Variants in MSRA observed in about 807,000 individuals in gnomAD.
MSRA encodes methionine sulfoxide reductase A.
Under a neutral mutation model 31.3 loss-of-function variants are expected in MSRA, and 54 were observed. That is an observed-to-expected ratio of 1.73 (90% CI 1.39 to 2.17). The LOEUF (loss-of-function observed/expected upper bound fraction) is 2.17, where lower values mean the gene tolerates loss of function less well. MSRA is among the 30% of genes most tolerant of loss of function. The pLI, the probability that MSRA is intolerant of heterozygous loss-of-function variation, is 0.00. For synonymous variants in MSRA, 169 were observed against 116.5 expected (o/e 1.45, Z -2.90); for missense variants, 507 against 300.9 (o/e 1.69, Z -5.07).
At chr8:10,212,963 G>A (rs1763001724) in intron 2 of MSRA, among the ~76,000 whole-genome samples, 1 of 152,090 alleles carries the variant, frequency 6.6e-6, no homozygotes, top group South Asian at 2.1e-4. Flanking sequence ...TTTGATATAG[G>A]CATGCAGTAT....
At chr8:10,140,011 C>G (rs1802575761) in intron 1 of MSRA, among the ~76,000 whole-genome samples, 1 of 152,200 alleles carries the variant, frequency 6.6e-6, no homozygotes, top group Admixed American at 6.5e-5. Context: ...ATACATTTAT[C>G]TGATGCAAGT....
intron 3 of MSRA, among the ~76,000 whole-genome samples, chr8:10,299,733 A>T (rs1800741359): frequency 6.6e-6 from 1 of 152,216 alleles, no homozygotes; most frequent in Non-Finnish European, 1.5e-5. Context: ...AAGGATTAAA[A>T]ATGTTGTAAT....
At chr8:10,348,725 C>T (rs1803945695) in intron 5 of MSRA, among the ~76,000 whole-genome samples, 1 of 152,084 alleles carries the variant, frequency 6.6e-6, no homozygotes, top group Admixed American at 6.6e-5. Flanking sequence ...AAATATTTAT[C>T]TCCTTACTCA....
intron 1 of MSRA, among the ~76,000 whole-genome samples, chr8:10,060,711 A>C (rs1292617823): frequency 6.6e-6 from 1 of 152,002 alleles, no homozygotes; most frequent in Non-Finnish European, 1.5e-5. Flanking sequence ...TGTAATCAAA[A>C]TCTACATTTT....
At chr8:10,175,018 T>C (rs1805921807) in intron 1 of MSRA, among the ~76,000 whole-genome samples, 1 of 152,176 alleles carries the variant, frequency 6.6e-6, no homozygotes, top group Admixed American at 6.5e-5. Flanking sequence ...TGACGTTCTC[T>C]GACTCATCCG....
intron 3 of MSRA, among the ~76,000 whole-genome samples, chr8:10,284,344 A>C (rs1799819541): frequency 6.6e-6 from 1 of 151,762 alleles, no homozygotes; most frequent in African/African-American, 2.4e-5. Flanking sequence ...GCCCGCCACC[A>C]CACCCGGCTA....
chr8:10,110,696 T>A (rs549288883), intron 1 of MSRA, among the ~76,000 whole-genome samples: 1 of 152,360 alleles, frequency 6.6e-6, no homozygotes, highest in South Asian at 2.1e-4. Context: ...GATCGCGCTT[T>A]CTCCCAGGCT....
chr8:10,393,354 C>T (rs951201028), intron 5 of MSRA, among the ~76,000 whole-genome samples: 1 of 152,136 alleles, frequency 6.6e-6, no homozygotes, highest in Non-Finnish European at 1.5e-5. Context: ...GACTCAAATC[C>T]AAAGTTATTA....
intron 2 of MSRA, among the ~76,000 whole-genome samples, chr8:10,239,381 C>T (rs964155975): frequency 3.9e-5 from 6 of 152,150 alleles, no homozygotes; most frequent in African/African-American, 1.2e-4. Context: ...AGGATGGCCT[C>T]GATGTCTTGA....
chr8:10,187,491 G>T (rs996055882), intron 1 of MSRA, among the ~76,000 whole-genome samples: 5 of 152,166 alleles, frequency 3.3e-5, no homozygotes, highest in Admixed American at 6.5e-5. Context: ...CTGTGCAGGT[G>T]CCTGACTTAC....
intron 5 of MSRA, among the ~76,000 whole-genome samples, chr8:10,394,892 G>C (rs1209779694): frequency 6.6e-6 from 1 of 152,238 alleles, no homozygotes; most frequent in African/African-American, 2.4e-5. Context: ...TTGTAAATCA[G>C]TGACCTACAG....
At chr8:10,285,347 G>C (rs145479964) in intron 3 of MSRA, among the ~76,000 whole-genome samples, 2 of 151,678 alleles carry the variant, frequency 1.3e-5, no homozygotes, top group East Asian at 3.9e-4. Flanking sequence ...TTATTTTTTG[G>C]TTTTGTTATT....
At chr8:10,250,121 A>G (rs951955514) in intron 3 of MSRA, among the ~76,000 whole-genome samples, 9 of 152,194 alleles carry the variant, frequency 5.9e-5, no homozygotes, top group Non-Finnish European at 1.2e-4. Context: ...ACATGCACAC[A>G]CACACACACA....
chr8:10,220,573 C>A (rs540976068), intron 2 of MSRA, among the ~76,000 whole-genome samples: 1 of 152,148 alleles, frequency 6.6e-6, no homozygotes, highest in African/African-American at 2.4e-5. Context: ...CTGTTGTCTC[C>A]TAAAAAGTCC....
At chr8:10,088,432 A>G (rs1349579877) in intron 1 of MSRA, among the ~76,000 whole-genome samples, 1 of 152,174 alleles carries the variant, frequency 6.6e-6, no homozygotes, top group Non-Finnish European at 1.5e-5. Flanking sequence ...GGAAACTAAG[A>G]TGTCTATCAA....
intron 1 of MSRA, among the ~76,000 whole-genome samples, chr8:10,188,796 G>C (rs1324419244): frequency 6.6e-6 from 1 of 152,176 alleles, no homozygotes; most frequent in African/African-American, 2.4e-5. Flanking sequence ...AGTAAGTCCT[G>C]AAATCAGGTA....
intron 1 of MSRA, among the ~76,000 whole-genome samples, chr8:10,175,397 T>A (rs1192793276): frequency 6.6e-6 from 1 of 152,244 alleles, no homozygotes; most frequent in Non-Finnish European, 1.5e-5. Context: ...TGTTATCAAG[T>A]CACAACGATC....
At chr8:10,089,242 C>A (rs1338654323) in intron 1 of MSRA, among the ~76,000 whole-genome samples, 1 of 152,162 alleles carries the variant, frequency 6.6e-6, no homozygotes, top group Non-Finnish European at 1.5e-5. Flanking sequence ...CGTATCATCA[C>A]GTTGTCAAAC....
At chr8:10,266,901 A>G (rs971176823) in intron 3 of MSRA, among the ~76,000 whole-genome samples, 5 of 152,228 alleles carry the variant, frequency 3.3e-5, no homozygotes, top group African/African-American at 1.2e-4. Flanking sequence ...ATATATGTAC[A>G]TCACTCAATA....
Sources: gnomAD v4.1 joint callset for allele counts (sites outside exome capture counted in the v4.1 genomes callset) on GRCh38, gnomAD v4.1.1 for gene constraint, MANE v1.5 for transcripts, NCBI Gene and HGNC (gene_info 2026-07-23, HGNC 2026-07-21) for gene names.